CACNA2D4: variants seen among roughly 807,000 people sequenced by gnomAD.
CACNA2D4 encodes calcium voltage-gated channel auxiliary subunit alpha2delta 4, also known as voltage-dependent calcium channel subunit alpha-2/delta-4.
In CACNA2D4, 157 loss-of-function variants were observed where a neutral mutation model predicts 163.8. The ratio of observed to expected loss-of-function variants is 0.96; its 90% CI spans 0.84 to 1.09. The LOEUF is 1.09. CACNA2D4 is among the 50% of genes least tolerant of loss of function. The pLI is 0.00. For synonymous variants in CACNA2D4, 598 were observed against 586.9 expected, an observed-to-expected ratio of 1.02 and a Z score of -0.27; for missense variants, 1,410 against 1,479.9, an observed-to-expected ratio of 0.95 and a Z score of 0.78.
intron 23 of CACNA2D4, among the ~76,000 whole-genome samples, chr12:1,849,909 T>C (rs1419124870): frequency 2.0e-5 from 3 of 152,252 alleles, no homozygotes; most frequent in Non-Finnish European, 4.4e-5. Flanking sequence ...GATATTCTAA[T>C]TTTTCACAGC....
At position 1,834,163 on chromosome 12, in the gene CACNA2D4, A is replaced by G; in HGVS notation, c.2551+6576T>C. ...TTCCAGGATTGACTACATTGCTGAT[A>G]AAAACTACCTTCTGGGGCTTCCGTT... On this transcript the variant is annotated intron_variant, in intron 26 of 37. Transcript: ENST00000382722. The surrounding 1 kb of genome is among the most constrained non-coding windows in gnomAD (Gnocchi z 7.6). 1 of 1,347,264 alleles carries G rather than the reference A, an allele frequency of 7.4e-7. No homozygotes were observed. Among genetic ancestry groups the G allele is most frequent in the African/African-American group, 1.5e-5 (1 of 68,308 alleles). The allele number at this position is 1,347,264 out of a possible 1,614,324, so 83.5% of individuals were successfully genotyped here.
chr12:1,906,689 C>T (rs977505499), intron 6 of CACNA2D4, among the ~76,000 whole-genome samples: 4 of 152,298 alleles, frequency 2.6e-5, no homozygotes, highest in South Asian at 2.1e-4. Flanking sequence ...CTCCAGAGAA[C>T]CGAAACAGCC....
At chr12:1,879,773 T>A (rs750664642) in intron 14 of CACNA2D4, 31 bp downstream of exon 14, 4 of 1,549,550 alleles carry the variant, frequency 2.6e-6, no homozygotes, top group Middle Eastern at 1.7e-4. Context: ...TTCTAATCCC[T>A]GCTACAACGT....
At chr12:1,880,644 G>A (rs1449789825) in intron 13 of CACNA2D4, among the ~76,000 whole-genome samples, 2 of 152,238 alleles carry the variant, frequency 1.3e-5, no homozygotes, top group African/African-American at 4.8e-5. Flanking sequence ...CAACTAAAGG[G>A]GACTGCTGAG....
At chr12:1,896,185 T>A (rs1276260178) in intron 6 of CACNA2D4, among the ~76,000 whole-genome samples, 1 of 152,094 alleles carries the variant, frequency 6.6e-6, no homozygotes, top group East Asian at 1.9e-4. Flanking sequence ...CTACAGAAAT[T>A]TTATGGATAA....
chr12:1,834,913 G>A lies in CACNA2D4; in HGVS notation c.2551+5826C>T. ...GCTCCCTGAAAGCCACCGTGCTGGG[G>A]GCTCCTGCTGATGCTCCTGTCTGGG... On this transcript the variant is annotated intron_variant, in intron 26 of 37. Coordinates refer to ENST00000382722, the MANE Select transcript of CACNA2D4 (RefSeq NM_172364.5). This position sits in a 1 kb window ranked among gnomAD's most constrained non-coding sequence, Gnocchi z 7.6. The A allele has an allele frequency of 2.3e-5, 24 of 1,065,368 alleles. No homozygotes were observed. The South Asian group carries it at 3.7e-4, about 16-fold the overall frequency. The allele number at this position is 1,065,368 out of a possible 1,614,324, so 66.0% of individuals were successfully genotyped here.
intron 22 of CACNA2D4, among the ~76,000 whole-genome samples, 152 bp from the exon 23 acceptor site, chr12:1,854,196 A>T (rs1217918849): frequency 6.6e-6 from 1 of 152,104 alleles, no homozygotes; most frequent in East Asian, 1.9e-4. Context: ...GAGCTGCCTC[A>T]CCTCTGTCTG....
rs549574707 is a variant in CACNA2D4 at position 1,793,582 on chromosome 12, C to T, written c.*73G>A. The stretch of plus-strand genomic sequence containing the variant: ...GACCCAACTGCAGTTAGCTGCATCC[C>T]ATGTCAGTGCTGACTTTTTGGGATG... On this transcript the variant is annotated 3_prime_UTR_variant, in exon 38 of 38. Coordinates refer to ENST00000382722, the MANE Select transcript of CACNA2D4 (RefSeq NM_172364.5). The T allele has an allele frequency of 3.7e-6, 5 of 1,341,322 alleles. No homozygotes were observed. The South Asian group carries it at 5.9e-5, about 16-fold the overall frequency. The allele number at this position is 1,341,322 out of a possible 1,614,324, so 83.1% of individuals were successfully genotyped here.
intron 5 of CACNA2D4, 146 bp downstream of exon 5, chr12:1,907,729 G>C (rs949185332): frequency 8.3e-7 from 1 of 1,197,642 alleles, no homozygotes. Context: ...CGGCCTGGTG[G>C]GCGTGCCTGG....
chr12:1,830,120 C>A (rs1024344268), intron 26 of CACNA2D4, among the ~76,000 whole-genome samples: 3 of 152,218 alleles, frequency 2.0e-5, no homozygotes, highest in African/African-American at 7.2e-5. Flanking sequence ...TGCCCTGTAG[C>A]CCCTAGGAAC....
chr12:1,828,092 A>G lies in CACNA2D4; in HGVS notation c.2551+12647T>C. 1 of 1,450,272 alleles carries G rather than the reference A, an allele frequency of 6.9e-7. No individual in the cohort carries two copies. The highest frequency in any genetic ancestry group is 9.1e-7 in the Non-Finnish European group (1 of 1,093,892). 89.8% of individuals were successfully genotyped at this position (1,450,272 alleles called of 1,614,324 possible). On this transcript the variant is annotated intron_variant, in intron 26 of 37. Coordinates refer to ENST00000382722, the MANE Select transcript of CACNA2D4 (RefSeq NM_172364.5). The surrounding 1 kb of genome is among the most constrained non-coding windows in gnomAD (Gnocchi z 4.2). Reference sequence around the variant, plus strand: ...CTCCCTCAGGACTGACAGGCGGCGCACCCAGGGGCTCCTCTCTCCCCAGAG... The same window carrying G: ...CTCCCTCAGGACTGACAGGCGGCGCGCCCAGGGGCTCCTCTCTCCCCAGAG...
Position 1,917,941 on chromosome 12 carries a change from G to A in CACNA2D4, c.227+306C>T, listed in dbSNP as rs993601942. On this transcript the variant is annotated intron_variant, in intron 1 of 37. Coordinates refer to ENST00000382722, the MANE Select transcript of CACNA2D4 (RefSeq NM_172364.5). The surrounding 1 kb of genome is among the most constrained non-coding windows in gnomAD (Gnocchi z 4.3). Reference sequence around the variant, plus strand: ...TCCTGAAGGAGCACCCGCCCTTCAGGTGTCCCAGAAGCTGCTTGTCAGGCC... The same window carrying A: ...TCCTGAAGGAGCACCCGCCCTTCAGATGTCCCAGAAGCTGCTTGTCAGGCC... The A allele has an allele frequency of 3.1e-6, 1 of 327,106 alleles. No homozygotes were observed. Among genetic ancestry groups the A allele is most frequent in the East Asian group, 8.2e-5 (1 of 12,156 alleles). 20.3% of individuals were successfully genotyped at this position (327,106 alleles called of 1,614,324 possible). A position where few individuals can be genotyped will look rare whatever the true frequency, so the allele number is the denominator to read the frequency against.
At chr12:1,809,592 C>A (rs1863640894) in intron 29 of CACNA2D4, 2 of 700,516 alleles carry the variant, frequency 2.9e-6, no homozygotes, top group Admixed American at 4.1e-5. Flanking sequence ...CATTTTGAGG[C>A]CCCTTTTGGA....
chr12:1,913,956 C>G (rs888074521), intron 2 of CACNA2D4, among the ~76,000 whole-genome samples: 4 of 152,240 alleles, frequency 2.6e-5, no homozygotes, highest in South Asian at 4.1e-4. Context: ...CTCCTCTCCC[C>G]GGGCTGTGGT....
intron 3 of CACNA2D4, among the ~76,000 whole-genome samples, chr12:1,911,105 C>T (rs1866805729): frequency 6.7e-6 from 1 of 149,314 alleles, no homozygotes; most frequent in African/African-American, 2.5e-5. Flanking sequence ...CTCACTGCAA[C>T]CCCCTCCTCC....
intron 6 of CACNA2D4, among the ~76,000 whole-genome samples, chr12:1,898,049 A>T (rs1866445654): frequency 2.0e-5 from 3 of 152,192 alleles, no homozygotes; most frequent in Admixed American, 6.5e-5. Flanking sequence ...CATTTAGAAT[A>T]AAAAGGTAAA....
At chr12:1,867,790 T>TAA (rs1022544940) in intron 18 of CACNA2D4, among the ~76,000 whole-genome samples, 9 of 151,902 alleles carry the variant, frequency 5.9e-5, no homozygotes, top group Non-Finnish European at 1.3e-4. Flanking sequence ...CACATCCAAA[T>TAA]AATCTGATTT....
Position 1,799,870 on chromosome 12 carries a change from G to A in CACNA2D4, c.2974+130C>T. On this transcript the variant is annotated intron_variant, in intron 33 of 37. Transcript: ENST00000382722. The surrounding 1 kb of genome is among the most constrained non-coding windows in gnomAD (Gnocchi z 4.7). Reference sequence around the variant, plus strand: ...GTGATGAGAGAAGGCCACGCAGGGTGAGATGTGAACAACGATGCTTCAGGG... The same window carrying A: ...GTGATGAGAGAAGGCCACGCAGGGTAAGATGTGAACAACGATGCTTCAGGG... 1 of 1,255,676 alleles carries A rather than the reference G, an allele frequency of 8.0e-7. No individual in the cohort carries two copies. Among genetic ancestry groups the A allele is most frequent in the Non-Finnish European group, 1.1e-6 (1 of 885,174 alleles). 77.8% of individuals were successfully genotyped at this position (1,255,676 alleles called of 1,614,324 possible).
At position 1,806,940 on chromosome 12, in the gene CACNA2D4, G is replaced by C. The variant is rs1411781034; in HGVS notation, c.2721+3338C>G. ...CGATGGCACTTGTGTGTTTGGGGAA[G>C]AGGGGCAGGTTTGGGTCGGTTGGTG... is the stretch of plus-strand genomic sequence containing the variant. On this transcript the variant is annotated intron_variant, in intron 29 of 37. Coordinates refer to ENST00000382722, the MANE Select transcript of CACNA2D4 (RefSeq NM_172364.5). The surrounding 1 kb of genome is among the most constrained non-coding windows in gnomAD (Gnocchi z 4.1). 6.6e-6 allele frequency among the ~76,000 whole-genome samples: 1 copy of C among 152,148 alleles called. No individual in the cohort carries two copies. Among genetic ancestry groups the C allele is most frequent in the African/African-American group, 2.4e-5 (1 of 41,454 alleles).
Sources: allele counts gnomAD v4.1 joint callset (sites outside exome capture counted in the v4.1 genomes callset), GRCh38; gene constraint gnomAD v4.1.1; non-coding constraint Gnocchi (gnomAD v3.1); transcripts MANE v1.5; gene names NCBI Gene and HGNC (gene_info 2026-07-23, HGNC 2026-07-21).